NDRG1: variants seen among roughly 807,000 people sequenced by gnomAD.
NDRG1 encodes the protein N-myc downstream regulated 1, also known as protein NDRG1.
In NDRG1, 32 loss-of-function variants were observed where a neutral mutation model predicts 56.9. The ratio of observed to expected loss-of-function variants is 0.56; its 90% CI spans 0.42 to 0.76. The LOEUF is 0.76. Ranked by LOEUF, NDRG1 falls within the 30% of genes least tolerant of loss-of-function variation. The pLI is 0.00. For missense variants in NDRG1, 507 were observed against 545.7 expected (o/e 0.93, Z 0.71); for synonymous variants, 211 against 204.1 (o/e 1.03, Z -0.29).
chr8:133,258,489 C>A, intron 6 of NDRG1, 63 bp from the exon 7 acceptor site: 1 of 1,535,594 alleles, frequency 6.5e-7, no homozygotes, highest in South Asian at 1.2e-5. Context: ...TCCAAGGACC[C>A]ACTTAGAACT....
chr8:133,273,407 T>C (rs993549915), intron 3 of NDRG1, among the ~76,000 whole-genome samples: 3 of 152,212 alleles, frequency 2.0e-5, no homozygotes, highest in Non-Finnish European at 2.9e-5. Context: ...TTTCACCATC[T>C]ATCTCACCAT....
intron 15 of NDRG1, chr8:133,239,945 G>A (rs1407885935): frequency 3.3e-5 from 5 of 152,268 alleles, no homozygotes. Flanking sequence ...CAATGACTGT[G>A]ATGTCCTTAT....
chr8:133,271,847 G>GGT (rs10605647), intron 3 of NDRG1, among the ~76,000 whole-genome samples: 4 of 148,062 alleles, frequency 2.7e-5, no homozygotes, highest in Non-Finnish European at 1.5e-5. Flanking sequence ...AACCAGGGGA[G>GGT]GTGTGTGTGT....
At chr8:133,248,622 C>T in intron 11 of NDRG1, 93 bp downstream of exon 11, 1 of 1,407,108 alleles carries the variant, frequency 7.1e-7, no homozygotes, top group Non-Finnish European at 1.0e-6. Context: ...ACACAATGTC[C>T]TGCCACACTC....
chr8:133,286,732 C>T (rs1192956356), intron 1 of NDRG1, among the ~76,000 whole-genome samples: 2 of 152,134 alleles, frequency 1.3e-5, no homozygotes. Context: ...TCCCAGGGGA[C>T]ATTTGGCAAT....
chr8:133,283,604 C>T (rs144160863), intron 2 of NDRG1, among the ~76,000 whole-genome samples: 64 of 152,320 alleles, frequency 4.2e-4, no homozygotes, highest in African/African-American at 1.5e-3. Flanking sequence ...TATGCATTGC[C>T]CATCTCCTCT....
intron 15 of NDRG1, chr8:133,240,897 T>G (rs936059839): frequency 6.6e-6 from 1 of 152,190 alleles, no homozygotes; most frequent in Non-Finnish European, 1.5e-5. Flanking sequence ...AACCTTTGCC[T>G]GCAACTTCCG....
intron 1 of NDRG1, among the ~76,000 whole-genome samples, chr8:133,287,080 C>T (rs963310343): frequency 6.6e-6 from 1 of 152,214 alleles, no homozygotes; most frequent in Non-Finnish European, 1.5e-5. Context: ...TACCTTGTCC[C>T]TGATGCCTCA....
chr8:133,245,209 G>A (rs1855606793), intron 13 of NDRG1, among the ~76,000 whole-genome samples: 2 of 152,164 alleles, frequency 1.3e-5, no homozygotes, highest in South Asian at 2.1e-4. Context: ...TTAGACTGAC[G>A]CTGTGGAAGT....
At chr8:133,283,270 T>C (rs1485050173) in intron 2 of NDRG1, among the ~76,000 whole-genome samples, 1 of 152,234 alleles carries the variant, frequency 6.6e-6, no homozygotes, top group Non-Finnish European at 1.5e-5. Flanking sequence ...GCATGCAGGA[T>C]GTGGTTAGTG....
At chr8:133,240,743 A>G (rs1855332259) in intron 15 of NDRG1, 1 of 152,234 alleles carries the variant, frequency 6.6e-6, no homozygotes, top group Admixed American at 6.5e-5. Context: ...GAGGTCTAGC[A>G]TTCACTTCCT....
At chr8:133,264,944 T>G (rs1325694890) in intron 3 of NDRG1, 2 of 452,816 alleles carry the variant, frequency 4.4e-6, no homozygotes, top group East Asian at 8.8e-5. Context: ...CCGGACTGTT[T>G]GCTCCATCTG....
intron 1 of NDRG1, among the ~76,000 whole-genome samples, chr8:133,289,462 G>A (rs1375024072): frequency 2.6e-5 from 4 of 152,136 alleles, no homozygotes; most frequent in African/African-American, 2.4e-5. Context: ...CTCAGCAAAT[G>A]CCACCAAGGT....
At chr8:133,269,181 T>C (rs1415572703) in intron 3 of NDRG1, among the ~76,000 whole-genome samples, 1 of 152,126 alleles carries the variant, frequency 6.6e-6, no homozygotes, top group Non-Finnish European at 1.5e-5. Context: ...GAGAGCAAAT[T>C]GCCTGTCTCG....
At chr8:133,245,152 G>A (rs1855601877) in intron 13 of NDRG1, among the ~76,000 whole-genome samples, 1 of 152,182 alleles carries the variant, frequency 6.6e-6, no homozygotes, top group South Asian at 2.1e-4. Flanking sequence ...CCAGCACGCA[G>A]GGAGCAGGAT....
intron 3 of NDRG1, among the ~76,000 whole-genome samples, chr8:133,277,836 C>T (rs943975944): frequency 1.3e-5 from 2 of 152,148 alleles, no homozygotes; most frequent in African/African-American, 2.4e-5. Flanking sequence ...TCTCCACCAC[C>T]ACTTAACAAG....
intron 9 of NDRG1, 135 bp from the exon 10 acceptor site, chr8:133,250,678 T>TA (rs1172940905): frequency 0.019 from 11,294 of 593,670 alleles, 3 homozygotes; most frequent in Middle Eastern, 0.026. Flanking sequence ...GCGACGGACC[T>TA]AAAAAAAAAA....
intron 2 of NDRG1, among the ~76,000 whole-genome samples, chr8:133,282,167 T>G (rs373179503): frequency 6.6e-6 from 1 of 152,266 alleles, no homozygotes; most frequent in South Asian, 2.1e-4. Context: ...AGGATTCCAG[T>G]AGGCTGCCCG....
Position 133,250,516 on chromosome 8 carries a change from C to A in NDRG1, c.622G>T (p.Val208Phe). The A allele has an allele frequency of 6.2e-7, 1 of 1,614,046 alleles. No individual in the cohort carries two copies. Among genetic ancestry groups the A allele is most frequent in the South Asian group, 1.1e-5 (1 of 91,076 alleles). The change falls in exon 10 of 16, where the codon GTC becomes TTC. Residue 208 changes from valine (V) to phenylalanine (F), a missense_variant. Val to Phe is a conservative substitution (Grantham distance 50, BLOSUM62 -1). Transcript: ENST00000323851. Reference protein sequence around the residue: ...KEEMQSNVEVVHTYRQHIVND... With the variant: ...KEEMQSNVEVFHTYRQHIVND... ...ACAATGTGCTGGCGGTAGGTGTGGA[C>A]CACTTCCACGTTACTCTGCATTTCT...
Sources: gnomAD v4.1 joint callset for allele counts (sites outside exome capture counted in the v4.1 genomes callset) on GRCh38, gnomAD v4.1.1 for gene constraint, MANE v1.5 for transcripts, NCBI Gene and HGNC (gene_info 2026-07-23, HGNC 2026-07-21) for gene names.